The following ADGRL3 variants were observed in gnomAD, a reference collection of about 807,000 sequenced individuals.
The protein encoded by ADGRL3 is calcium-independent alpha-latrotoxin receptor 3.
ADGRL3 carries 62 observed loss-of-function variants against 153.5 expected under a neutral mutation model. The observed-to-expected ratio is 0.40, with a 90% confidence interval of 0.33 to 0.50. The LOEUF (loss-of-function observed/expected upper bound fraction) is 0.50. Among genes scored for constraint, ADGRL3 ranks in the 20% least tolerant of loss-of-function variants. The probability of loss-of-function intolerance (pLI) is 0.47; values close to 1 mark genes in which losing one functional copy is unlikely to be tolerated. For missense variants in ADGRL3, 1,641 were observed against 1,859.4 expected (o/e 0.88, Z 2.16); for synonymous variants, 710 against 672.5 (o/e 1.06, Z -0.86).
At chr4:61,900,694 T>C (rs906517588) in intron 11 of ADGRL3, among the ~76,000 whole-genome samples, 3 of 151,988 alleles carry the variant, frequency 2.0e-5, no homozygotes, top group Non-Finnish European at 4.4e-5. Flanking sequence ...TCTTGATGGA[T>C]GTAGGTGGAT....
intron 4 of ADGRL3, among the ~76,000 whole-genome samples, chr4:61,551,817 A>C (rs2098741701): frequency 6.6e-6 from 1 of 152,226 alleles, no homozygotes; most frequent in African/African-American, 2.4e-5. Flanking sequence ...TGGTAGTTGC[A>C]GAAAGACAAT....
At chr4:61,813,585 C>T (rs2097654634) in intron 8 of ADGRL3, among the ~76,000 whole-genome samples, 1 of 151,644 alleles carries the variant, frequency 6.6e-6, no homozygotes, top group Admixed American at 6.6e-5. Flanking sequence ...AATTTCACAA[C>T]AACAAAAAAA....
chr4:61,718,520 A>AT (rs909534202), intron 6 of ADGRL3, among the ~76,000 whole-genome samples: 5 of 152,110 alleles, frequency 3.3e-5, no homozygotes, highest in African/African-American at 4.8e-5. Flanking sequence ...TTAAAGTTGA[A>AT]TTTTTTTACA....
At chr4:61,695,755 T>C (rs2095631318) in intron 6 of ADGRL3, among the ~76,000 whole-genome samples, 1 of 152,186 alleles carries the variant, frequency 6.6e-6, no homozygotes, top group Admixed American at 6.5e-5. Flanking sequence ...CATTGATAAT[T>C]GGTTTTTTAG....
At chr4:61,542,181 A>G (rs2098693491) in intron 4 of ADGRL3, among the ~76,000 whole-genome samples, 1 of 152,206 alleles carries the variant, frequency 6.6e-6, no homozygotes, top group South Asian at 2.1e-4. Context: ...CTTTGGGATC[A>G]TAGCTTCAAT....
chr4:61,332,477 TTATAAC>T (rs1418887977), intron 1 of ADGRL3, among the ~76,000 whole-genome samples: 1 of 152,130 alleles, frequency 6.6e-6, no homozygotes, highest in Non-Finnish European at 1.5e-5. Flanking sequence ...TGATAAAGGC[TTATAAC>T]GCCTGAGGAT....
chr4:61,571,993 T>C (rs2098841096), intron 4 of ADGRL3, among the ~76,000 whole-genome samples: 2 of 152,178 alleles, frequency 1.3e-5, no homozygotes, highest in Admixed American at 1.3e-4. Flanking sequence ...AGCAGATAGA[T>C]AAATAAATTG....
At chr4:61,815,807 C>A (rs1358064237) in intron 9 of ADGRL3, among the ~76,000 whole-genome samples, 1 of 152,136 alleles carries the variant, frequency 6.6e-6, no homozygotes, top group Non-Finnish European at 1.5e-5. Context: ...AGGCCTTTTG[C>A]AATGTGAGGA....
intron 5 of ADGRL3, among the ~76,000 whole-genome samples, chr4:61,639,632 C>T (rs948703344): frequency 6.6e-6 from 1 of 152,104 alleles, no homozygotes; most frequent in Non-Finnish European, 1.5e-5. Context: ...TTAATACTTT[C>T]TGCTGAAGAC....
At chr4:61,489,444 C>T (rs923806429) in intron 2 of ADGRL3, among the ~76,000 whole-genome samples, 18 of 151,740 alleles carry the variant, frequency 1.2e-4, no homozygotes, top group East Asian at 1.9e-4. Flanking sequence ...TTATTATAGA[C>T]GAAATTTCTT....
chr4:61,681,086 G>A (rs1206925603), intron 6 of ADGRL3, among the ~76,000 whole-genome samples: 6 of 152,018 alleles, frequency 3.9e-5, no homozygotes, highest in Admixed American at 2.6e-4. Flanking sequence ...CCAAAGCCAC[G>A]TTTTTGTTCT....
chr4:62,074,617 CT>C lies in ADGRL3; in HGVS notation c.*3710del, dbSNP rs759793963. ...AAATAATTGTAATAACAAAAATGAA[CT>C]GACAGAACAATTATCTTGAAGTAAC... On this transcript the variant is annotated 3_prime_UTR_variant, in exon 27 of 27. Coordinates refer to ENST00000683033, the MANE Select transcript of ADGRL3 (RefSeq NM_001387552.1). 2 of 151,972 alleles carry C rather than the reference CT, an allele frequency of 1.3e-5. No homozygotes were observed. Among genetic ancestry groups the C allele is most frequent in the African/African-American group, 2.4e-5 (1 of 41,370 alleles). 9.4% of individuals were successfully genotyped at this position (151,972 alleles called of 1,614,324 possible).
rs1299800274 is a variant in ADGRL3 at position 61,476,726 on chromosome 4, A to C, written c.-173-20395A>C. On this transcript the variant is annotated intron_variant, in intron 2 of 26. Transcript: ENST00000683033. ...CTCTGTCTAAAAAAAAAAAAAAAAA[A>C]AAAAAAAAAAAACAAAAAAACATAG... Among the ~76,000 whole-genome samples, 12 of 148,280 alleles carry C rather than the reference A, an allele frequency of 8.1e-5. 1 individual carries two copies. Among genetic ancestry groups the C allele is most frequent in the South Asian group, 2.1e-4 (1 of 4,742 alleles).
chr4:61,839,396 A>G (rs1389921941), intron 9 of ADGRL3, among the ~76,000 whole-genome samples: 2 of 151,608 alleles, frequency 1.3e-5, no homozygotes, highest in Non-Finnish European at 2.9e-5. Context: ...AGTTCTCACT[A>G]TGTTGCCTGT....
chr4:62,069,103 T>C lies in ADGRL3; in HGVS notation c.3832+920T>C, dbSNP rs557811703. Among the ~76,000 whole-genome samples, 4 of 152,326 alleles carry C rather than the reference T, an allele frequency of 2.6e-5. No individual in the cohort carries two copies. In the East Asian group the frequency reaches 7.7e-4, roughly 29 times the overall value. On this transcript the variant is annotated intron_variant, in intron 26 of 26. Coordinates refer to ENST00000683033, the MANE Select transcript of ADGRL3 (RefSeq NM_001387552.1). ...TTTGAAGTGATTTATGAAGCTATTATAGATTCTTGTTTTTCTGTTCATTCA... is the reference window on the plus strand; with the variant it reads ...TTTGAAGTGATTTATGAAGCTATTACAGATTCTTGTTTTTCTGTTCATTCA...
chr4:61,454,894 G>A (rs1363371522), intron 2 of ADGRL3, among the ~76,000 whole-genome samples: 1 of 151,900 alleles, frequency 6.6e-6, no homozygotes, highest in African/African-American at 2.4e-5. Context: ...CCGCTTTACT[G>A]GGAAGGCATG....
intron 13 of ADGRL3, among the ~76,000 whole-genome samples, chr4:61,934,131 T>C (rs2098828775): frequency 6.6e-6 from 1 of 152,206 alleles, no homozygotes. Flanking sequence ...TAGTGCTTTG[T>C]ATCTATGTGT....
At chr4:61,436,670 G>A (rs1444204906) in intron 2 of ADGRL3, among the ~76,000 whole-genome samples, 2 of 152,084 alleles carry the variant, frequency 1.3e-5, no homozygotes, top group African/African-American at 4.8e-5. Flanking sequence ...CATGTTCAAA[G>A]GCATAGTGGT....
chr4:61,743,000 A>T (rs547181209), intron 8 of ADGRL3, among the ~76,000 whole-genome samples: 45 of 145,776 alleles, frequency 3.1e-4, no homozygotes, highest in African/African-American at 7.7e-4. Context: ...TTAGCCTTAA[A>T]TTTTTTTTTT....
Sources: gnomAD v4.1 joint callset for allele counts (sites outside exome capture counted in the v4.1 genomes callset) on GRCh38, gnomAD v4.1.1 for gene constraint, MANE v1.5 for transcripts, NCBI Gene and HGNC (gene_info 2026-07-23, HGNC 2026-07-21) for gene names.